CHFR: variants seen among roughly 807,000 people sequenced by gnomAD.
CHFR encodes E3 ubiquitin-protein ligase CHFR.
Under a neutral mutation model 87.6 loss-of-function variants are expected in CHFR, and 57 were observed. The observed-to-expected ratio is 0.65, with a 90% CI of 0.53 to 0.81. The LOEUF (loss-of-function observed/expected upper bound fraction) is 0.81, where lower values mean the gene tolerates loss of function less well. Among genes scored for constraint, CHFR ranks in the 30% least tolerant of loss-of-function variants. The pLI is 0.00. For synonymous variants in CHFR, 381 were observed against 359.2 expected (o/e 1.06, Z -0.69); for missense variants, 797 against 865.8 (o/e 0.92, Z 1.00).
At chr12:132,871,473 TTAAA>T (rs1951487761) in intron 4 of CHFR, among the ~76,000 whole-genome samples, 1 of 150,998 alleles carries the variant, frequency 6.6e-6, no homozygotes, top group Non-Finnish European at 1.5e-5. Context: ...ATTTAAAAAA[TTAAA>T]TAAATAAGTA....
At position 132,833,941 on chromosome 12, in the gene CHFR, C is replaced by T. The variant is rs961950082; in HGVS notation, c.*7613G>A. The stretch of plus-strand genomic sequence containing the variant: ...CACCTTTGAGGAAGTAATATTTGAG[C>T]TGAACGTGCGTGACAAGGAGGACCA... On this transcript the variant is annotated 3_prime_UTR_variant, in exon 18 of 18. Transcript: ENST00000450056. The T allele has an allele frequency of 2.0e-5, 3 of 152,290 alleles. No homozygotes were observed. Among genetic ancestry groups the T allele is most frequent in the Admixed American group, 2.0e-4 (3 of 15,274 alleles). 9.4% of individuals were successfully genotyped at this position (152,290 alleles called of 1,614,324 possible).
chr12:132,851,791 G>C (rs1026129697), intron 11 of CHFR, 54 bp from the exon 12 acceptor site: 49 of 1,568,866 alleles, frequency 3.1e-5, no homozygotes, highest in Non-Finnish European at 3.8e-5. Context: ...CAGAAAGACA[G>C]CAGGTTAGAG....
In CHFR at chr12:132,844,019, C is replaced by A. The variant is rs1181829536; in HGVS notation, c.1843+8G>T. The A allele has an allele frequency of 1.3e-6, 2 of 1,590,394 alleles. No individual in the cohort carries two copies. The highest frequency in any genetic ancestry group is 1.7e-6 in the Non-Finnish European group (2 of 1,158,776). The stretch of plus-strand genomic sequence containing the variant: ...ACTAGAGCCATGAGGAAGTCGGGGG[C>A]TCCTTACCTGGCAACTCGGAAGCAG... On this transcript the variant is annotated splice_region_variant and intron_variant, in intron 16 of 17. Coordinates refer to ENST00000450056, the MANE Select transcript of CHFR (RefSeq NM_001161346.2).
intron 6 of CHFR, 62 bp from the exon 7 acceptor site, chr12:132,861,696 G>C: frequency 6.7e-7 from 1 of 1,503,610 alleles, no homozygotes; most frequent in South Asian, 1.2e-5. Context: ...AACCATGCCT[G>C]TAAGGTGTCA....
At chr12:132,857,288 T>A in intron 9 of CHFR, 117 bp downstream of exon 9, 1 of 1,084,338 alleles carries the variant, frequency 9.2e-7, no homozygotes, top group South Asian at 1.5e-5. Context: ...CGGGTGCTGG[T>A]GGAGGGACAG....
rs1405979894 is a variant in CHFR, at chr12:132,835,962, C to G, written c.*5592G>C. ...CTCCCAGCACGGCGCACGGCACTCA[C>G]AGTGACAGGCTCCCAGCACGGCGCA... On this transcript the variant is annotated 3_prime_UTR_variant, in exon 18 of 18. Transcript: ENST00000450056. 9.3e-5 allele frequency: 10 copies of G among 107,608 alleles called. No individual in the cohort carries two copies. In the Admixed American group the frequency reaches 1.1e-3, roughly 11 times the overall value. 6.7% of individuals were successfully genotyped at this position (107,608 alleles called of 1,614,324 possible). A position where few individuals can be genotyped will look rare whatever the true frequency, so the allele number is the denominator to read the frequency against.
At position 132,835,981 on chromosome 12, in the gene CHFR, C is replaced by G. The variant is rs1950643560; in HGVS notation, c.*5573G>C. The G allele has an allele frequency of 1.4e-5, 1 of 69,426 alleles. No individual in the cohort carries two copies. 4.3% of individuals were successfully genotyped at this position (69,426 alleles called of 1,614,324 possible). A position where few individuals can be genotyped will look rare whatever the true frequency, so the allele number is the denominator to read the frequency against. ...CACTCACAGTGACAGGCTCCCAGCA[C>G]GGCGCACGGCACTCAGAGTGCCAGG... is the stretch of plus-strand genomic sequence containing the variant. On this transcript the variant is annotated 3_prime_UTR_variant, in exon 18 of 18. Coordinates refer to ENST00000450056, the MANE Select transcript of CHFR (RefSeq NM_001161346.2).
intron 5 of CHFR, 77 bp downstream of exon 5, chr12:132,870,647 G>C: frequency 9.6e-7 from 1 of 1,040,396 alleles, no homozygotes; most frequent in Non-Finnish European, 1.5e-6. Flanking sequence ...GTAACAGAGC[G>C]AGACTCCATC....
Position 132,841,565 on chromosome 12 carries a change from A to C in CHFR, c.1948T>G (p.Phe650Val). ...KFNHICEQTR[F>V]KN Reference sequence around the variant, plus strand: ...GGGCCTCTGGATGCTTAGTTTTTGAACCTTGTCTGTTCACAGATATGATTG... The same window carrying C: ...GGGCCTCTGGATGCTTAGTTTTTGACCCTTGTCTGTTCACAGATATGATTG... The change falls in exon 18 of 18, where the codon TTC becomes GTC. Residue 650 changes from phenylalanine to valine, a missense_variant. Around this residue, in one of 2 missense-constraint regions of CHFR, gnomAD observed 200 missense variants for 264.6 expected, o/e 0.76. Coordinates refer to ENST00000450056, the MANE Select transcript of CHFR (RefSeq NM_001161346.2). The C allele has an allele frequency of 1.2e-6, 2 of 1,613,828 alleles. No homozygotes were observed. The highest frequency in any genetic ancestry group is 1.7e-6 in the Non-Finnish European group (2 of 1,179,802).
At chr12:132,883,224 T>TA (rs1363671813) in intron 2 of CHFR, among the ~76,000 whole-genome samples, 1 of 148,254 alleles carries the variant, frequency 6.7e-6, no homozygotes, top group Non-Finnish European at 1.5e-5. Context: ...GGTCAGGACT[T>TA]AGAGACTAGC....
At chr12:132,855,700 T>C (rs1412835027) in intron 10 of CHFR, among the ~76,000 whole-genome samples, 1 of 152,132 alleles carries the variant, frequency 6.6e-6, no homozygotes, top group African/African-American at 2.4e-5. Context: ...GTTAGTACAT[T>C]ACATTTCATT....
intron 3 of CHFR, among the ~76,000 whole-genome samples, chr12:132,875,876 C>A (rs1193882439): frequency 2.0e-5 from 3 of 151,762 alleles, no homozygotes; most frequent in Non-Finnish European, 4.4e-5. Flanking sequence ...CATAAAACAC[C>A]GTAAGTGAAA....
rs541100767 is a variant in CHFR at position 132,847,954 on chromosome 12, A to G, written c.1647+131T>C. 16 of 1,520,708 alleles carry G rather than the reference A, an allele frequency of 1.1e-5. No individual in the cohort carries two copies. In the Admixed American group the frequency reaches 1.4e-4, roughly 13 times the overall value. The allele number at this position is 1,520,708 out of a possible 1,614,324, so 94.2% of individuals were successfully genotyped here. On this transcript the variant is annotated intron_variant, in intron 14 of 17. Transcript: ENST00000450056. ...CAGCTGGCTGCACCAGTGAGGAAAC[A>G]TGGCTCCCGGCTCCCCAACCCGCAG...
chr12:132,841,324 A>AG lies in CHFR; in HGVS notation c.*229dup. 2 of 480,898 alleles carry AG rather than the reference A, an allele frequency of 4.2e-6. No homozygotes were observed. The highest frequency in any genetic ancestry group is 7.4e-6 in the Non-Finnish European group (2 of 270,948). 29.8% of individuals were successfully genotyped at this position (480,898 alleles called of 1,614,324 possible). A position where few individuals can be genotyped will look rare whatever the true frequency, so the allele number is the denominator to read the frequency against. On this transcript the variant is annotated 3_prime_UTR_variant, in exon 18 of 18. Coordinates refer to ENST00000450056, the MANE Select transcript of CHFR (RefSeq NM_001161346.2). ...CGTCTCTGCTGCTGATGCCACCACGAGCCCTGCCCAGCGCTCACCAGGAGG... is the reference window on the plus strand; with the variant it reads ...CGTCTCTGCTGCTGATGCCACCACGAGGCCCTGCCCAGCGCTCACCAGGAGG...
intron 12 of CHFR, among the ~76,000 whole-genome samples, chr12:132,851,213 A>G (rs1236828471): frequency 2.0e-5 from 3 of 151,550 alleles, no homozygotes; most frequent in Non-Finnish European, 4.4e-5. Flanking sequence ...CTGGTCTGAA[A>G]CTCCTGGACA....
chr12:132,859,762 C>T (rs59464890), intron 7 of CHFR, among the ~76,000 whole-genome samples: 4 of 152,192 alleles, frequency 2.6e-5, no homozygotes, highest in African/African-American at 9.6e-5. Context: ...TTAGAAGAAG[C>T]CAGGTGCAAT....
chr12:132,887,163 C>T, intron 2 of CHFR, 33 bp downstream of exon 2: 2 of 1,449,706 alleles, frequency 1.4e-6, no homozygotes, highest in African/African-American at 1.5e-5. Context: ...CTCTGCCCGG[C>T]CCCGGCCCCC....
intron 2 of CHFR, among the ~76,000 whole-genome samples, chr12:132,881,691 C>T (rs1951772699): frequency 1.3e-5 from 2 of 152,098 alleles, no homozygotes; most frequent in South Asian, 4.2e-4. Context: ...CATGGTGAAA[C>T]CCCGTCTCTA....
intron 4 of CHFR, among the ~76,000 whole-genome samples, chr12:132,871,712 C>T (rs892277478): frequency 1.2e-4 from 18 of 151,860 alleles, no homozygotes; most frequent in East Asian, 3.9e-4. Flanking sequence ...GTGGAGATTG[C>T]GGTGAGCTGA....
Sources: allele counts gnomAD v4.1 joint callset (sites outside exome capture counted in the v4.1 genomes callset), GRCh38; gene constraint gnomAD v4.1.1; regional missense constraint gnomAD v4.1.1; transcripts MANE v1.5; gene names NCBI Gene and HGNC (gene_info 2026-07-23, HGNC 2026-07-21).